Variants in USP4 observed in about 807,000 individuals in gnomAD.
The protein encoded by USP4 is ubiquitin specific peptidase 4, also known as ubiquitin carboxyl-terminal hydrolase 4.
USP4 carries 72 observed loss-of-function variants against 118.2 expected under a neutral mutation model. The ratio of observed to expected loss-of-function variants is 0.61; its 90% confidence interval spans 0.50 to 0.74. The LOEUF (loss-of-function observed/expected upper bound fraction) is 0.74. Ranked by LOEUF, USP4 falls within the 30% of genes least tolerant of loss-of-function variation. The pLI is 0.00. For synonymous variants in USP4, 415 were observed against 440.4 expected (o/e 0.94, Z 0.72); for missense variants, 1,037 against 1,185.7 (o/e 0.87, Z 1.84).
At chr3:49,318,294 T>C in intron 6 of USP4, 3 of 984,596 alleles carry the variant, frequency 3.0e-6, no homozygotes, top group South Asian at 9.4e-5. Context: ...ACAGTCAGAA[T>C]ACTTGCTGCC....
chr3:49,286,196 G>A lies in USP4; in HGVS notation c.2102C>T (p.Pro701Leu). The A allele has an allele frequency of 6.2e-7, 1 of 1,614,068 alleles. No homozygotes were observed. Among genetic ancestry groups the A allele is most frequent in the Non-Finnish European group, 8.5e-7 (1 of 1,180,008 alleles). ...ETTQKKIKGQ[P>L]CPKRLFTFSL... ...GAAGGTAAAAAGCCTTTTTGGGCAGGGCTGGCCTTTGATCTTCTTTTGGGT... is the reference window on the plus strand; with the variant it reads ...GAAGGTAAAAAGCCTTTTTGGGCAGAGCTGGCCTTTGATCTTCTTTTGGGT... The change falls in exon 16 of 22, where the codon CCC becomes CTC. Residue 701 changes from proline to leucine, a missense_variant. By Grantham distance (98) the Pro-to-Leu change is moderately conservative. Coordinates refer to ENST00000265560, the MANE Select transcript of USP4 (RefSeq NM_003363.4).
chr3:49,278,746 GAT>G (rs2046987053), intron 21 of USP4, 66 bp downstream of exon 21: 1 of 1,251,552 alleles, frequency 8.0e-7, no homozygotes. Flanking sequence ...CAACTAGCCT[GAT>G]AGAGGCTCTT....
chr3:49,312,362 G>A (rs753270056), intron 6 of USP4: 8 of 397,682 alleles, frequency 2.0e-5, no homozygotes, highest in South Asian at 3.5e-5. Flanking sequence ...GGTGGCGGGC[G>A]CCTGTCATCC....
chr3:49,280,485 T>A lies in USP4; in HGVS notation c.2644+259A>T, dbSNP rs556656313. 3.5e-3 allele frequency among the ~76,000 whole-genome samples: 489 copies of A among 139,548 alleles called. 2 individuals carry two copies. The highest frequency in any genetic ancestry group is 3.1e-3 in the Non-Finnish European group (208 of 66,136). 91.5% of individuals were successfully genotyped at this position (139,548 alleles called of 152,430 possible). A position where few individuals can be genotyped will look rare whatever the true frequency, so the allele number is the denominator to read the frequency against. On this transcript the variant is annotated intron_variant, in intron 20 of 21. Coordinates refer to ENST00000265560, the MANE Select transcript of USP4 (RefSeq NM_003363.4). ...CTGAGGCAGGAGAATGGCGTGAACC[T>A]GGGAGGCAGAGCTTGCAGTGAGTGA...
At chr3:49,305,330 AG>A (rs2047303925) in intron 9 of USP4, among the ~76,000 whole-genome samples, 1 of 121,092 alleles carries the variant, frequency 8.3e-6, no homozygotes, top group East Asian at 2.8e-4. Context: ...CGCCCGCCTC[AG>A]CCTCCCAAAG....
chr3:49,299,362 A>C (rs1048138728), intron 11 of USP4, among the ~76,000 whole-genome samples: 4 of 149,134 alleles, frequency 2.7e-5, no homozygotes, highest in Non-Finnish European at 4.4e-5. Context: ...TGCTGGGATT[A>C]CAGGGGTAAG....
chr3:49,280,785 A>G lies in USP4; in HGVS notation c.2603T>C (p.Ile868Thr), dbSNP rs2047014750. 6.2e-7 allele frequency: 1 copy of G among 1,614,188 alleles called. No individual in the cohort carries two copies. The highest frequency in any genetic ancestry group is 8.5e-7 in the Non-Finnish European group (1 of 1,180,026). ...GGCTCCATAATGATTGGACACGGCAATGAGGTCGTACACATAAGGCCTTGC... is the reference window on the plus strand; with the variant it reads ...GGCTCCATAATGATTGGACACGGCAGTGAGGTCGTACACATAAGGCCTTGC... ...LSARPYVYDLIAVSNHYGAMG... is the reference protein window; with the variant it reads ...LSARPYVYDLTAVSNHYGAMG... The change falls in exon 20 of 22, where the codon ATT becomes ACT. Residue 868 changes from isoleucine (I) to threonine (T), a missense_variant. Transcript: ENST00000265560.
chr3:49,301,280 T>C (rs2047260307), intron 10 of USP4, among the ~76,000 whole-genome samples: 1 of 152,124 alleles, frequency 6.6e-6, no homozygotes, highest in African/African-American at 2.4e-5. Flanking sequence ...ATAGGACCTA[T>C]TGGAAACTAG....
chr3:49,283,835 G>C (rs376480127), intron 19 of USP4, 152 bp downstream of exon 19: 1 of 830,664 alleles, frequency 1.2e-6, no homozygotes, highest in African/African-American at 1.7e-5. Context: ...AGGGACAGAA[G>C]GGGTAACTAC....
chr3:49,298,043 G>GAA, intron 12 of USP4, 79 bp from the exon 13 acceptor site: 11 of 844,902 alleles, frequency 1.3e-5, no homozygotes, highest in Non-Finnish European at 2.1e-5. Flanking sequence ...AGAAACAAAT[G>GAA]AAAAAAAAAA....
chr3:49,325,840 C>T lies in USP4; in HGVS notation c.366G>A (p.Val122=). ...AGTGCTTGACAAACAGGCCATGCTC[C>T]ACAACCTATGAACAAGAGGCAGGGG... The part of the protein sequence containing the change: ...EGQQPIVRKV[V]EHGLFVKHCK... The change falls in exon 4 of 22, where the codon GTG becomes GTA. Residue 122 remains valine, a synonymous_variant. Coordinates refer to ENST00000265560, the MANE Select transcript of USP4 (RefSeq NM_003363.4). The T allele has an allele frequency of 6.2e-7, 1 of 1,613,612 alleles. No individual in the cohort carries two copies.
intron 8 of USP4, among the ~76,000 whole-genome samples, chr3:49,306,191 G>T (rs2047314825): frequency 6.7e-6 from 1 of 150,028 alleles, no homozygotes. Flanking sequence ...CTTATTTAAT[G>T]AAAAAAGTGT....
chr3:49,284,236 T>G, intron 18 of USP4, 100 bp from the exon 19 acceptor site: 1 of 1,486,260 alleles, frequency 6.7e-7, no homozygotes, highest in Non-Finnish European at 9.3e-7. Context: ...ATAGCTGCCA[T>G]CCTCTCGGTC....
chr3:49,317,454 C>G, intron 6 of USP4: 1 of 797,380 alleles, frequency 1.3e-6, no homozygotes, highest in South Asian at 1.5e-5. Flanking sequence ...CCATGCCCTG[C>G]TGGGTCAACA....
At position 49,292,520 on chromosome 3, in the gene USP4, G is replaced by A; in HGVS notation, c.1962C>T (p.Asn654=). ...LEPGACNGSR[N]SCEGEDEEEM... is the part of the protein sequence containing the mutation. ...ATGGTGCATACTCACCTTCACAGCT[G>A]TTCCTGGAGCCATTGCAGGCCCCTG... Residue 654 remains asparagine (N), a synonymous_variant, in exon 15 of 22, where the codon AAC becomes AAT. Coordinates refer to ENST00000265560, the MANE Select transcript of USP4 (RefSeq NM_003363.4). 6.3e-7 allele frequency: 1 copy of A among 1,585,022 alleles called. No individual in the cohort carries two copies. The highest frequency in any genetic ancestry group is 8.6e-7 in the Non-Finnish European group (1 of 1,164,950).
rs1287662663 is a variant in USP4 at position 49,305,808 on chromosome 3, C to G, written c.1035G>C (p.Leu345=). 1 of 1,614,032 alleles carries G rather than the reference C, an allele frequency of 6.2e-7. No homozygotes were observed. Among genetic ancestry groups the G allele is most frequent in the Non-Finnish European group, 8.5e-7 (1 of 1,180,040 alleles). Residue 345 remains leucine (L), a synonymous_variant, in exon 9 of 22, where the codon CTG becomes CTC. Transcript: ENST00000265560. Reference sequence around the variant, plus strand: ...CTTCTGCAATTTCCCCTTTCATCCCCAGAGGGTTGTCTCTGTTGATTTCGG... The same window carrying G: ...CTTCTGCAATTTCCCCTTTCATCCCGAGAGGGTTGTCTCTGTTGATTTCGG... ...YEAEINRDNP[L]GMKGEIAEAY...
At chr3:49,302,669 A>T (rs959460104) in intron 9 of USP4, 127 bp from the exon 10 acceptor site, 7 of 890,126 alleles carry the variant, frequency 7.9e-6, no homozygotes, top group Non-Finnish European at 1.2e-5. Context: ...TTGGTTGAGT[A>T]GTCCAATTAA....
intron 20 of USP4, 32 bp from the exon 21 acceptor site, chr3:49,278,934 G>A (rs544952132): frequency 1.4e-6 from 2 of 1,479,864 alleles, no homozygotes; most frequent in East Asian, 2.3e-5. Context: ...TACTCTAGCG[G>A]TCTCCAGAGA....
chr3:49,293,267 C>T (rs1194527857), intron 14 of USP4, among the ~76,000 whole-genome samples: 2 of 151,900 alleles, frequency 1.3e-5, no homozygotes, highest in African/African-American at 4.8e-5. Flanking sequence ...AATCCTAGCA[C>T]TCTGGGAGGC....
Sources: allele counts gnomAD v4.1 joint callset (sites outside exome capture counted in the v4.1 genomes callset), GRCh38; gene constraint gnomAD v4.1.1; transcripts MANE v1.5; gene names NCBI Gene and HGNC (gene_info 2026-07-23, HGNC 2026-07-21).